TIPRL: variants seen among roughly 807,000 people sequenced by gnomAD.
The protein encoded by TIPRL is TIP41-like protein.
Under a neutral mutation model 32.3 loss-of-function variants are expected in TIPRL, and 10 were observed. The ratio of observed to expected loss-of-function variants is 0.31; its 90% CI spans 0.19 to 0.52. TIPRL has a LOEUF of 0.52. TIPRL is among the 20% of genes least tolerant of loss of function. TIPRL has a pLI of 0.96. For synonymous variants in TIPRL, 100 were observed against 114.0 expected (o/e 0.88, Z 0.78); for missense variants, 250 against 328.1 (o/e 0.76, Z 1.84).
chr1:168,195,259 CT>C (rs1700139557), intron 4 of TIPRL, among the ~76,000 whole-genome samples: 2 of 152,158 alleles, frequency 1.3e-5, no homozygotes, highest in Non-Finnish European at 2.9e-5. Flanking sequence ...TGTCTCAGTA[CT>C]TTTTGTACAT....
At chr1:168,191,307 G>A (rs1182179892) in intron 3 of TIPRL, 62 bp from the exon 4 acceptor site, 2 of 1,419,132 alleles carry the variant, frequency 1.4e-6, no homozygotes, top group African/African-American at 3.0e-5. Flanking sequence ...CTGCTTTCCT[G>A]TGTCTCTGTA....
intron 3 of TIPRL, 71 bp downstream of exon 3, chr1:168,184,949 A>G: frequency 1.0e-6 from 1 of 970,086 alleles, no homozygotes; most frequent in Non-Finnish European, 1.5e-6. Context: ...ACTTTCTAGT[A>G]ACGGGTTATT....
At chr1:168,184,919 T>C in intron 3 of TIPRL, 41 bp downstream of exon 3, 1 of 1,299,772 alleles carries the variant, frequency 7.7e-7, no homozygotes, top group Non-Finnish European at 1.1e-6. Flanking sequence ...TTGATTGTCT[T>C]GGACAGTCTG....
At chr1:168,199,280 G>A (rs1027312287) in intron 6 of TIPRL, among the ~76,000 whole-genome samples, 23 of 152,064 alleles carry the variant, frequency 1.5e-4, no homozygotes, top group African/African-American at 5.6e-4. Context: ...GGCTGGTGAT[G>A]GATGTTCTTT....
chr1:168,184,140 A>AT, intron 2 of TIPRL, 59 bp downstream of exon 2: 1 of 1,472,102 alleles, frequency 6.8e-7, no homozygotes, highest in Non-Finnish European at 9.2e-7. Context: ...CAAAAGAGAA[A>AT]AGACTTGAAA....
intron 4 of TIPRL, 53 bp from the exon 5 acceptor site, chr1:168,196,494 T>TAAAATGTTTAATTTTTATTA (rs1700154378): frequency 7.6e-7 from 1 of 1,310,514 alleles, no homozygotes; most frequent in African/African-American, 1.5e-5. Flanking sequence ...AGCAAAGTAA[T>TAAAATGTTTAATTTTTATTA]AAAATGTTTA....
At chr1:168,184,905 G>C (rs1487068801) in intron 3 of TIPRL, 27 bp downstream of exon 3, 1 of 1,417,682 alleles carries the variant, frequency 7.1e-7, no homozygotes, top group Middle Eastern at 1.8e-4. Context: ...TCTTTCATGA[G>C]TCATTGATTG....
intron 5 of TIPRL, 60 bp from the exon 6 acceptor site, chr1:168,198,859 C>A: frequency 6.9e-7 from 1 of 1,453,458 alleles, no homozygotes; most frequent in South Asian, 1.2e-5. Context: ...GTTTTTAATA[C>A]AAAGGATTTT....
chr1:168,179,929 G>A (rs946507813), intron 1 of TIPRL, among the ~76,000 whole-genome samples: 2 of 152,094 alleles, frequency 1.3e-5, no homozygotes, highest in Non-Finnish European at 2.9e-5. Context: ...AGCTGTGTCC[G>A]TGTGATTGGA....
intron 1 of TIPRL, among the ~76,000 whole-genome samples, chr1:168,181,129 C>T (rs1442718044): frequency 6.6e-6 from 1 of 151,694 alleles, no homozygotes; most frequent in Non-Finnish European, 1.5e-5. Flanking sequence ...ACTACAGGCG[C>T]GTGCCACCAC....
intron 1 of TIPRL, among the ~76,000 whole-genome samples, chr1:168,183,352 G>T (rs1441525553): frequency 1.4e-5 from 2 of 147,068 alleles, no homozygotes; most frequent in Admixed American, 6.9e-5. Flanking sequence ...GGTCATAAGT[G>T]TGTAAATTAT....
intron 1 of TIPRL, among the ~76,000 whole-genome samples, chr1:168,181,743 C>T (rs1043866513): frequency 6.6e-6 from 1 of 151,810 alleles, no homozygotes; most frequent in African/African-American, 2.4e-5. Context: ...TATCTACGAT[C>T]TCCTTATGTA....
intron 5 of TIPRL, among the ~76,000 whole-genome samples, chr1:168,198,513 A>G (rs1411935315): frequency 2.0e-5 from 3 of 152,220 alleles, no homozygotes; most frequent in African/African-American, 7.2e-5. Flanking sequence ...GCAACATAAA[A>G]GTAGCACAAT....
At position 168,178,974 on chromosome 1, in the gene TIPRL, C is replaced by G; in HGVS notation, c.-104C>G. The G allele has an allele frequency of 6.7e-6, 7 of 1,039,686 alleles. No individual in the cohort carries two copies. Among genetic ancestry groups the G allele is most frequent in the Non-Finnish European group, 9.6e-6 (7 of 725,628 alleles). 64.4% of individuals were successfully genotyped at this position (1,039,686 alleles called of 1,614,324 possible). A position where few individuals can be genotyped will look rare whatever the true frequency, so the allele number is the denominator to read the frequency against. On this transcript the variant is annotated 5_prime_UTR_variant, in exon 1 of 7. Transcript: ENST00000367833. ...GGCGGGGCCGGGCATGGTAACGGCT[C>G]GGAAGCCTAGGAGGCTGGGCCGGAG...
chr1:168,190,247 G>A (rs1034431846), intron 3 of TIPRL, among the ~76,000 whole-genome samples: 4 of 152,056 alleles, frequency 2.6e-5, no homozygotes, highest in Non-Finnish European at 1.5e-5. Context: ...TACCTGCTCC[G>A]TACACAGTTG....
intron 3 of TIPRL, among the ~76,000 whole-genome samples, chr1:168,186,276 A>T (rs927649413): frequency 4.6e-5 from 7 of 151,990 alleles, no homozygotes; most frequent in Non-Finnish European, 1.5e-5. Flanking sequence ...AGGGCAGATT[A>T]CTTGAGGTCA....
rs375564474 is a variant in TIPRL at position 168,198,985 on chromosome 1, A to G, written c.675+4A>G. The G allele has an allele frequency of 2.5e-6, 4 of 1,607,284 alleles. No individual in the cohort carries two copies. Among genetic ancestry groups the G allele is most frequent in the Non-Finnish European group, 3.4e-6 (4 of 1,175,162 alleles). ...AAGCAAAATTTCTAGTTTGATGGCA[A>G]GTACTTAAATTTCAGTTTTTAGAAG... On this transcript the variant is annotated splice_donor_region_variant and intron_variant, in intron 6 of 6. Transcript: ENST00000367833.
intron 3 of TIPRL, among the ~76,000 whole-genome samples, chr1:168,185,782 AAAG>A (rs1435518445): frequency 6.8e-5 from 9 of 132,806 alleles, no homozygotes; most frequent in Non-Finnish European, 1.1e-4. Context: ...AAAAAAAAAA[AAAG>A]AAGAGATTCG....
At chr1:168,182,423 C>G in intron 1 of TIPRL, among the ~76,000 whole-genome samples, 1 of 152,140 alleles carries the variant, frequency 6.6e-6, no homozygotes, top group East Asian at 1.9e-4. Flanking sequence ...GTCAGGAGTT[C>G]GAGACCAGCC....
Sources: allele counts gnomAD v4.1 joint callset (sites outside exome capture counted in the v4.1 genomes callset), GRCh38; gene constraint gnomAD v4.1.1; transcripts MANE v1.5; gene names NCBI Gene and HGNC (gene_info 2026-07-23, HGNC 2026-07-21).